KCNB2: variants seen among roughly 807,000 people sequenced by gnomAD.
The protein encoded by KCNB2 is delayed rectifier potassium channel protein.
A neutral mutation model predicts 61.5 loss-of-function variants in KCNB2; 15 were observed. That is an observed-to-expected ratio of 0.24 (90% CI 0.16 to 0.38). KCNB2 has a LOEUF of 0.38. KCNB2 is among the 10% of genes least tolerant of loss of function. KCNB2 has a pLI of 1.00. For missense variants in KCNB2, 828 were observed against 1,125.2 expected, an observed-to-expected ratio of 0.74 and a Z score of 3.78; for synonymous variants, 457 against 446.0, an observed-to-expected ratio of 1.02 and a Z score of -0.31.
At chr8:72,807,568 T>C (rs1010137198) in intron 2 of KCNB2, among the ~76,000 whole-genome samples, 3 of 152,236 alleles carry the variant, frequency 2.0e-5, no homozygotes, top group African/African-American at 7.2e-5. Flanking sequence ...CTTGGAACCC[T>C]ACTCAGAGCA....
At chr8:72,910,043 T>C (rs1460896677) in intron 2 of KCNB2, among the ~76,000 whole-genome samples, 1 of 152,176 alleles carries the variant, frequency 6.6e-6, no homozygotes, top group Non-Finnish European at 1.5e-5. Context: ...CATGTTGGCA[T>C]ATACAACAGT....
At chr8:72,769,719 T>C (rs967497037) in intron 2 of KCNB2, among the ~76,000 whole-genome samples, 2 of 152,156 alleles carry the variant, frequency 1.3e-5, no homozygotes, top group African/African-American at 2.4e-5. Context: ...GGCCCCATTC[T>C]ATGGGCAAGA....
chr8:72,675,804 G>A (rs537530827), intron 2 of KCNB2, among the ~76,000 whole-genome samples: 12 of 151,910 alleles, frequency 7.9e-5, no homozygotes, highest in African/African-American at 2.4e-4. Context: ...CTCCCGCCTC[G>A]GCCTCCCAAA....
intron 2 of KCNB2, among the ~76,000 whole-genome samples, chr8:72,641,042 CAAT>C (rs1486939675): frequency 6.6e-6 from 1 of 151,958 alleles, no homozygotes; most frequent in Non-Finnish European, 1.5e-5. Flanking sequence ...AGTAAAGGGA[CAAT>C]GAGAATTTTG....
chr8:72,867,418 C>T (rs756855139), intron 2 of KCNB2, among the ~76,000 whole-genome samples: 4 of 152,086 alleles, frequency 2.6e-5, no homozygotes, highest in Non-Finnish European at 4.4e-5. Flanking sequence ...GGAGCAGAGG[C>T]GGGTGGATTG....
At chr8:72,813,984 C>T (rs531302722) in intron 2 of KCNB2, among the ~76,000 whole-genome samples, 1 of 152,310 alleles carries the variant, frequency 6.6e-6, no homozygotes, top group Admixed American at 6.5e-5. Context: ...TTAGGTATTT[C>T]TCCTAATGCT....
At chr8:72,789,794 T>C (rs1808907624) in intron 2 of KCNB2, among the ~76,000 whole-genome samples, 1 of 151,982 alleles carries the variant, frequency 6.6e-6, no homozygotes, top group Non-Finnish European at 1.5e-5. Flanking sequence ...AGTTGCACCA[T>C]ATTAGAAAGA....
At chr8:72,671,418 A>G (rs1806562336) in intron 2 of KCNB2, among the ~76,000 whole-genome samples, 1 of 152,200 alleles carries the variant, frequency 6.6e-6, no homozygotes, top group South Asian at 2.1e-4. Flanking sequence ...CATTTATTGA[A>G]CAACTACTCT....
chr8:72,552,696 T>G (rs1259959155), intron 1 of KCNB2, among the ~76,000 whole-genome samples: 1 of 152,190 alleles, frequency 6.6e-6, no homozygotes, highest in Non-Finnish European at 1.5e-5. Flanking sequence ...TACATCCTAT[T>G]GAAGGGATTT....
At chr8:72,927,175 G>A (rs568952712) in intron 2 of KCNB2, among the ~76,000 whole-genome samples, 29 of 152,242 alleles carry the variant, frequency 1.9e-4, no homozygotes, top group Admixed American at 5.2e-4. Flanking sequence ...TCTATAGAAG[G>A]AAGCGCGTCA....
At chr8:72,753,400 A>G (rs1808233341) in intron 2 of KCNB2, among the ~76,000 whole-genome samples, 1 of 152,204 alleles carries the variant, frequency 6.6e-6, no homozygotes, top group South Asian at 2.1e-4. Flanking sequence ...GCCTGGCAAT[A>G]TAGTAGTGAA....
intron 1 of KCNB2, among the ~76,000 whole-genome samples, chr8:72,546,593 G>C (rs1806262161): frequency 6.6e-6 from 1 of 151,696 alleles, no homozygotes; most frequent in African/African-American, 2.4e-5. Flanking sequence ...ACAATATTTA[G>C]CTAAGATCAT....
intron 2 of KCNB2, among the ~76,000 whole-genome samples, chr8:72,794,844 G>A (rs1809005182): frequency 6.6e-6 from 1 of 152,150 alleles, no homozygotes; most frequent in Non-Finnish European, 1.5e-5. Flanking sequence ...AGTATCTGGA[G>A]AGAAAGCAGC....
chr8:72,774,591 C>T (rs1331514952), intron 2 of KCNB2, among the ~76,000 whole-genome samples: 1 of 152,124 alleles, frequency 6.6e-6, no homozygotes, highest in East Asian at 1.9e-4. Flanking sequence ...CTCAAGTGAT[C>T]CCCCACCTTG....
At chr8:72,913,413 T>C (rs985320065) in intron 2 of KCNB2, among the ~76,000 whole-genome samples, 1 of 152,216 alleles carries the variant, frequency 6.6e-6, no homozygotes, top group African/African-American at 2.4e-5. Flanking sequence ...ATATCATATG[T>C]ATTCAACTAT....
At chr8:72,681,698 T>C (rs1806759300) in intron 2 of KCNB2, among the ~76,000 whole-genome samples, 1 of 152,222 alleles carries the variant, frequency 6.6e-6, no homozygotes. Context: ...GAATTGTATG[T>C]GCTCTATTTT....
chr8:72,563,436 C>T (rs867630121), intron 1 of KCNB2, among the ~76,000 whole-genome samples: 1 of 152,120 alleles, frequency 6.6e-6, no homozygotes, highest in Non-Finnish European at 1.5e-5. Flanking sequence ...ATGTTTTTAT[C>T]TCCTGGAAGG....
chr8:72,629,832 G>T (rs1028952490), intron 2 of KCNB2, among the ~76,000 whole-genome samples: 53 of 152,290 alleles, frequency 3.5e-4, no homozygotes, highest in African/African-American at 1.1e-3. Flanking sequence ...AGTTTGTAGT[G>T]ATTTGGATAT....
At chr8:72,548,453 A>C (rs1431663) in intron 1 of KCNB2, among the ~76,000 whole-genome samples, 65,741 of 152,050 alleles carry the variant, frequency 0.43, 17,424 homozygotes, top group Non-Finnish European at 0.57. Flanking sequence ...CTGGTTTGCT[A>C]TCTTGGAAGA....
Sources: allele counts gnomAD v4.1 joint callset (sites outside exome capture counted in the v4.1 genomes callset), GRCh38; gene constraint gnomAD v4.1.1; transcripts MANE v1.5; gene names NCBI Gene and HGNC (gene_info 2026-07-23, HGNC 2026-07-21).